The following DPP10 variants were observed in gnomAD, a reference collection of about 807,000 sequenced individuals.
DPP10 encodes dipeptidyl peptidase like 10.
Under a neutral mutation model 120.9 loss-of-function variants are expected in DPP10, and 33 were observed. The ratio of observed to expected loss-of-function variants is 0.27; its 90% confidence interval spans 0.21 to 0.37. The LOEUF (loss-of-function observed/expected upper bound fraction) is 0.37, where lower values mean the gene tolerates loss of function less well. Among genes scored for constraint, DPP10 ranks in the 10% least tolerant of loss-of-function variants. The pLI, the probability that DPP10 is intolerant of heterozygous loss-of-function variation, is 1.00. For missense variants in DPP10, 816 were observed against 942.8 expected, an observed-to-expected ratio of 0.87 and a Z score of 1.76; for synonymous variants, 337 against 326.1, an observed-to-expected ratio of 1.03 and a Z score of -0.36.
At chr2:115,252,130 GC>G (rs1267469678) in intron 1 of DPP10, among the ~76,000 whole-genome samples, 1 of 152,120 alleles carries the variant, frequency 6.6e-6, no homozygotes, top group East Asian at 1.9e-4. Context: ...TTTTAAAGAT[GC>G]CAACTTTCTC....
chr2:114,485,368 G>A (rs1681417393), intron 1 of DPP10, among the ~76,000 whole-genome samples: 1 of 151,742 alleles, frequency 6.6e-6, no homozygotes, highest in African/African-American at 2.4e-5. Flanking sequence ...ACTGGTTAAT[G>A]TTAAGTTAAT....
At chr2:115,709,918 A>G (rs1434338112) in intron 7 of DPP10, among the ~76,000 whole-genome samples, 1 of 152,124 alleles carries the variant, frequency 6.6e-6, no homozygotes, top group Non-Finnish European at 1.5e-5. Flanking sequence ...ACAAATTTAC[A>G]TATTCAAGGT....
intron 3 of DPP10, among the ~76,000 whole-genome samples, chr2:115,430,651 G>C (rs772321466): frequency 2.0e-5 from 3 of 152,082 alleles, no homozygotes; most frequent in Admixed American, 6.6e-5. Flanking sequence ...CACGTATAAA[G>C]AAACAGCTAA....
At chr2:114,794,651 C>T (rs1353395517) in intron 1 of DPP10, among the ~76,000 whole-genome samples, 1 of 152,156 alleles carries the variant, frequency 6.6e-6, no homozygotes, top group Non-Finnish European at 1.5e-5. Flanking sequence ...TTCTACTAAT[C>T]AATACTTGAG....
At chr2:114,727,598 G>A (rs539364837) in intron 1 of DPP10, among the ~76,000 whole-genome samples, 47 of 152,252 alleles carry the variant, frequency 3.1e-4, no homozygotes, top group Non-Finnish European at 5.4e-4. Flanking sequence ...GTTTTTTAAT[G>A]TACTTTTCCC....
chr2:115,751,163 G>A (rs1678657551), intron 10 of DPP10, among the ~76,000 whole-genome samples: 1 of 151,864 alleles, frequency 6.6e-6, no homozygotes, highest in South Asian at 2.1e-4. Context: ...CAATTATTCA[G>A]CATTTCAGCA....
intron 1 of DPP10, among the ~76,000 whole-genome samples, chr2:114,938,849 A>G (rs988120797): frequency 6.7e-6 from 1 of 149,796 alleles, no homozygotes; most frequent in Admixed American, 6.7e-5. Flanking sequence ...TCATCCTCCC[A>G]CTTTTAAATC....
At chr2:115,460,732 G>C (rs1237377501) in intron 3 of DPP10, among the ~76,000 whole-genome samples, 2 of 152,186 alleles carry the variant, frequency 1.3e-5, no homozygotes, top group East Asian at 3.9e-4. Context: ...GGTACACTGA[G>C]CATAAATTGA....
chr2:115,411,263 C>A (rs1035386278), intron 3 of DPP10, among the ~76,000 whole-genome samples: 1 of 151,838 alleles, frequency 6.6e-6, no homozygotes, highest in East Asian at 1.9e-4. Context: ...ACCGGGCAGG[C>A]GGAGGTTGCA....
intron 1 of DPP10, among the ~76,000 whole-genome samples, chr2:114,549,798 C>CT (rs1234645953): frequency 2.6e-5 from 4 of 152,044 alleles, no homozygotes; most frequent in African/African-American, 7.2e-5. Context: ...TTTGTAGCCA[C>CT]TCACCATAAA....
intron 3 of DPP10, among the ~76,000 whole-genome samples, chr2:115,457,903 A>C (rs980521756): frequency 6.6e-6 from 1 of 152,140 alleles, no homozygotes. Flanking sequence ...CACTGCAAAC[A>C]ATACAGAATT....
chr2:114,724,449 C>G (rs909925769), intron 1 of DPP10, among the ~76,000 whole-genome samples: 4 of 152,174 alleles, frequency 2.6e-5, no homozygotes, highest in South Asian at 2.1e-4. Context: ...TGGCATGTAC[C>G]TAAAGTGCTT....
At chr2:114,870,544 G>C (rs1185537532) in intron 1 of DPP10, among the ~76,000 whole-genome samples, 1 of 82,674 alleles carries the variant, frequency 1.2e-5, no homozygotes, top group Admixed American at 1.4e-4. Flanking sequence ...TAGTCAGGTA[G>C]AAAGGGGGAA....
intron 1 of DPP10, among the ~76,000 whole-genome samples, chr2:114,505,658 G>A (rs1162149584): frequency 6.6e-6 from 1 of 151,996 alleles, no homozygotes; most frequent in African/African-American, 2.4e-5. Flanking sequence ...ATGGCATCAA[G>A]GCACAAAGGA....
At chr2:114,468,437 T>C (rs1227328987) in intron 1 of DPP10, among the ~76,000 whole-genome samples, 2 of 139,152 alleles carry the variant, frequency 1.4e-5, no homozygotes, top group Non-Finnish European at 3.1e-5. Flanking sequence ...GGATAAAAGA[T>C]GAAAGATGTC....
rs757749660 is a variant in DPP10 at position 115,451,750 on chromosome 2, A to G, written c.272-47760A>G. 8.7e-4 allele frequency among the ~76,000 whole-genome samples: 130 copies of G among 149,896 alleles called. 1 individual carries two copies. The Middle Eastern group carries it at 0.01, about 12-fold the overall frequency. ...TTTATGAATGTATAATTTTTATTAA[A>G]CAAAAACATTATAAAAATTAACGCA... On this transcript the variant is annotated intron_variant, in intron 3 of 25. Coordinates refer to ENST00000410059, the MANE Select transcript of DPP10 (RefSeq NM_020868.6).
rs546084203 is a variant in DPP10 at position 114,656,298 on chromosome 2, C to T, written c.60+213460C>T. ...CAGTTATTAGAATTTAGACAGTCAA[C>T]GAGCTTGTTGAAATTTTTTTTGGAA... On this transcript the variant is annotated intron_variant, in intron 1 of 25. Transcript: ENST00000410059. 1.0e-3 allele frequency among the ~76,000 whole-genome samples: 157 copies of T among 151,592 alleles called. No individual in the cohort carries two copies. The South Asian group carries it at 0.011, about 11-fold the overall frequency.
chr2:115,331,440 C>T (rs1385335652), intron 2 of DPP10, among the ~76,000 whole-genome samples: 4 of 152,152 alleles, frequency 2.6e-5, no homozygotes, highest in Non-Finnish European at 4.4e-5. Flanking sequence ...ATTGCCCTGG[C>T]CAGAACTTCC....
At chr2:114,839,858 T>C (rs1688018104) in intron 1 of DPP10, among the ~76,000 whole-genome samples, 1 of 152,186 alleles carries the variant, frequency 6.6e-6, no homozygotes, top group African/African-American at 2.4e-5. Flanking sequence ...TCAGAGAATA[T>C]ACAAGATTTA....
Sources: allele counts gnomAD v4.1 joint callset (sites outside exome capture counted in the v4.1 genomes callset), GRCh38; gene constraint gnomAD v4.1.1; transcripts MANE v1.5; gene names NCBI Gene and HGNC (gene_info 2026-07-23, HGNC 2026-07-21).